Variants in DCC observed in about 807,000 individuals in gnomAD.
The protein encoded by DCC is netrin receptor DCC.
In DCC, 58 loss-of-function variants were observed where a neutral mutation model predicts 172.5. That is an observed-to-expected ratio of 0.34 (90% CI 0.27 to 0.42). The LOEUF (loss-of-function observed/expected upper bound fraction) is 0.42. Ranked by LOEUF, DCC falls within the 10% of genes least tolerant of loss-of-function variation. DCC has a pLI of 1.00. For synonymous variants in DCC, 709 were observed against 644.5 expected (o/e 1.10, Z -1.52); for missense variants, 1,740 against 1,791.0 (o/e 0.97, Z 0.51).
At chr18:52,957,612 G>T (rs891816048) in intron 5 of DCC, among the ~76,000 whole-genome samples, 4 of 152,022 alleles carry the variant, frequency 2.6e-5, no homozygotes, top group African/African-American at 9.7e-5. Context: ...GTGATTTTAA[G>T]AGAAGACTAT....
At chr18:53,426,585 C>A (rs570365079) in intron 21 of DCC, among the ~76,000 whole-genome samples, 2 of 151,356 alleles carry the variant, frequency 1.3e-5, no homozygotes, top group East Asian at 1.9e-4. Context: ...CTCTGAGAAA[C>A]CTTTTGCTAG....
intron 12 of DCC, among the ~76,000 whole-genome samples, chr18:53,253,225 G>A (rs1359000432): frequency 6.6e-6 from 1 of 151,882 alleles, no homozygotes; most frequent in Non-Finnish European, 1.5e-5. Context: ...TCTTTGTGTT[G>A]TTGAAGTTTC....
At chr18:53,373,977 CAG>C (rs775203848) in intron 15 of DCC, among the ~76,000 whole-genome samples, 20 of 152,262 alleles carry the variant, frequency 1.3e-4, no homozygotes, top group Non-Finnish European at 2.5e-4. Flanking sequence ...GAATATAAAA[CAG>C]ATAAATAGTA....
chr18:53,343,248 A>G (rs919500612), intron 15 of DCC, among the ~76,000 whole-genome samples: 2 of 151,788 alleles, frequency 1.3e-5, no homozygotes, highest in African/African-American at 4.8e-5. Flanking sequence ...TTTGTGTCTG[A>G]TCTTAGGAGA....
intron 12 of DCC, among the ~76,000 whole-genome samples, chr18:53,240,026 T>TAAAAAAAAAAAA (rs68158437): frequency 5.8e-5 from 4 of 69,056 alleles, no homozygotes; most frequent in Non-Finnish European, 1.2e-4. Flanking sequence ...GTTCTAGAGT[T>TAAAAAAAAAAAA]AAAAAAAAAA....
intron 2 of DCC, among the ~76,000 whole-genome samples, chr18:52,847,238 T>TG (rs1462284112): frequency 6.6e-6 from 1 of 152,216 alleles, no homozygotes; most frequent in Non-Finnish European, 1.5e-5. Context: ...ACACTTATAT[T>TG]TGAATTTACA....
At chr18:52,426,344 G>A (rs1250223648) in intron 1 of DCC, among the ~76,000 whole-genome samples, 1 of 149,086 alleles carries the variant, frequency 6.7e-6, no homozygotes, top group Non-Finnish European at 1.5e-5. Context: ...GACAGCTTGA[G>A]CTAAAGCTCT....
intron 12 of DCC, among the ~76,000 whole-genome samples, chr18:53,259,677 CA>C (rs1192638024): frequency 1.3e-5 from 2 of 152,070 alleles, no homozygotes; most frequent in Non-Finnish European, 2.9e-5. Flanking sequence ...GTGAATCTGA[CA>C]ATTAAGTGTC....
At chr18:52,433,592 A>G (rs1987694617) in intron 1 of DCC, among the ~76,000 whole-genome samples, 1 of 151,520 alleles carries the variant, frequency 6.6e-6, no homozygotes, top group Admixed American at 6.6e-5. Context: ...GGAACCATGT[A>G]TGAATTCTAA....
intron 5 of DCC, among the ~76,000 whole-genome samples, chr18:52,947,960 A>G (rs373069732): frequency 2.6e-5 from 4 of 152,184 alleles, no homozygotes; most frequent in East Asian, 3.9e-4. Flanking sequence ...AGCGTCCACA[A>G]TTTCTACCTC....
At chr18:52,515,404 G>A (rs955134719) in intron 1 of DCC, among the ~76,000 whole-genome samples, 1 of 151,498 alleles carries the variant, frequency 6.6e-6, no homozygotes, top group Non-Finnish European at 1.5e-5. Flanking sequence ...TCAAGAGATC[G>A]AGACCATCCT....
chr18:52,798,980 C>T (rs2037930383), intron 2 of DCC, among the ~76,000 whole-genome samples: 1 of 151,558 alleles, frequency 6.6e-6, no homozygotes. Context: ...AACTCCTGAC[C>T]TTAGGCAATC....
chr18:52,680,751 AT>A (rs1189399087), intron 1 of DCC, among the ~76,000 whole-genome samples: 1 of 152,046 alleles, frequency 6.6e-6, no homozygotes, highest in Admixed American at 6.6e-5. Flanking sequence ...TCATAATAGG[AT>A]GGCCAAGTTT....
At chr18:53,108,785 T>A (rs569419941) in intron 7 of DCC, among the ~76,000 whole-genome samples, 1 of 151,608 alleles carries the variant, frequency 6.6e-6, no homozygotes, top group Non-Finnish European at 1.5e-5. Context: ...TGCTATTGAG[T>A]GTTTCATGGT....
intron 1 of DCC, among the ~76,000 whole-genome samples, chr18:52,718,499 G>A (rs143516518): frequency 1.3e-3 from 198 of 152,234 alleles, no homozygotes; most frequent in African/African-American, 4.6e-3. Flanking sequence ...AGCTCTGAAA[G>A]CACGTGGTAT....
intron 1 of DCC, among the ~76,000 whole-genome samples, chr18:52,492,070 G>A (rs568708047): frequency 9.2e-5 from 14 of 152,118 alleles, no homozygotes; most frequent in South Asian, 2.1e-4. Context: ...GGAAAGAACC[G>A]TCGTTTACTT....
rs148342408 is a variant in DCC, at chr18:52,752,196, C to T, written c.234C>T (p.Gly78=). 2.5e-6 allele frequency: 4 copies of T among 1,614,162 alleles called. No homozygotes were observed. The highest frequency in any genetic ancestry group is 2.7e-5 in the African/African-American group (2 of 75,040). The stretch of plus-strand genomic sequence containing the variant: ...CAGTGATCAAGTGGAAGAAAGATGG[C>T]ATTCATCTGGCCTTGGGAATGGATG... ...GVPVIKWKKD[G]IHLALGMDER... Residue 78 remains glycine, a synonymous_variant, in exon 2 of 29, where the codon GGC becomes GGT. Transcript: ENST00000442544.
At chr18:52,979,847 G>A (rs1037712124) in intron 5 of DCC, among the ~76,000 whole-genome samples, 1 of 152,308 alleles carries the variant, frequency 6.6e-6, no homozygotes, top group South Asian at 2.1e-4. Flanking sequence ...GAGGGAAGAT[G>A]TCTTCAAATG....
chr18:52,580,692 G>A lies in DCC; in HGVS notation c.92-171362G>A, dbSNP rs371217814. On this transcript the variant is annotated intron_variant, in intron 1 of 28. Transcript: ENST00000442544. ...CTGGACCAACACTGAGTTGGGATGC[G>A]CACACCAGCTAGAGCAGCACTGTTA... 7.2e-5 allele frequency among the ~76,000 whole-genome samples: 11 copies of A among 152,272 alleles called. 1 individual carries two copies. The highest frequency in any genetic ancestry group is 4.1e-4 in the South Asian group (2 of 4,820).
Sources: gnomAD v4.1 joint callset for allele counts (sites outside exome capture counted in the v4.1 genomes callset) on GRCh38, gnomAD v4.1.1 for gene constraint, MANE v1.5 for transcripts, NCBI Gene and HGNC (gene_info 2026-07-23, HGNC 2026-07-21) for gene names.